Variants in PLIN3 observed in about 807,000 individuals in gnomAD.
PLIN3 encodes the protein perilipin 3.
PLIN3 carries 30 observed loss-of-function variants against 35.9 expected under a neutral mutation model. The ratio of observed to expected loss-of-function variants is 0.84; its 90% CI spans 0.62 to 1.13. The LOEUF (loss-of-function observed/expected upper bound fraction) is 1.13, where lower values mean the gene tolerates loss of function less well. PLIN3 is among the 50% of genes most tolerant of loss of function. The pLI is 0.00. For synonymous variants in PLIN3, 261 were observed against 262.5 expected (o/e 0.99, Z 0.06); for missense variants, 603 against 596.9 (o/e 1.01, Z -0.11).
intron 4 of PLIN3, among the ~76,000 whole-genome samples, chr19:4,852,987 T>A (rs1446100578): frequency 2.0e-5 from 3 of 151,928 alleles, no homozygotes; most frequent in Non-Finnish European, 4.4e-5. Context: ...GCTAATTTTG[T>A]ATTTTTAGTA....
intron 7 of PLIN3, among the ~76,000 whole-genome samples, chr19:4,843,541 T>TAAATAAATAAA (rs2029981506): frequency 1.7e-5 from 1 of 59,300 alleles, no homozygotes; most frequent in African/African-American, 6.9e-5. Context: ...AAATAAATAA[T>TAAATAAATAAA]TGATCTGGGG....
intron 4 of PLIN3, among the ~76,000 whole-genome samples, chr19:4,857,550 CAG>C (rs2030514348): frequency 6.6e-6 from 1 of 151,916 alleles, no homozygotes; most frequent in Non-Finnish European, 1.5e-5. Flanking sequence ...CCCTGGGTGA[CAG>C]AGTGAGAACC....
At position 4,839,197 on chromosome 19, in the gene PLIN3, T is replaced by A. The variant is rs771365173; in HGVS notation, c.1300A>T (p.Lys434Ter). The change falls in exon 8 of 8, where the codon AAG (lysine) becomes TAG (stop). Residue 434 changes from lysine (K) to a stop codon, truncating the protein, a stop_gained. Coordinates refer to ENST00000221957, the MANE Select transcript of PLIN3 (RefSeq NM_005817.5). LOFTEE classifies it high-confidence loss of function. Reference protein sequence around the residue: ...GITEKAPEEKK With the variant: ...GITEKAPEEK ...CTGAGTCCTCTCCTCTCCCCCTACT[T>A]CTTCTCCTCCGGGGCTTTCTCAGTG... The A allele has an allele frequency of 8.7e-6, 14 of 1,600,002 alleles. No individual in the cohort carries two copies. The highest frequency in any genetic ancestry group is 8.0e-5 in the African/African-American group (6 of 74,676).
intron 5 of PLIN3, among the ~76,000 whole-genome samples, chr19:4,849,534 G>A (rs897721616): frequency 1.3e-5 from 2 of 152,074 alleles, no homozygotes; most frequent in African/African-American, 4.8e-5. Flanking sequence ...TGGAACTACT[G>A]GGCTTAACTA....
chr19:4,858,275 A>AG (rs2030539300), intron 4 of PLIN3, among the ~76,000 whole-genome samples: 1 of 150,082 alleles, frequency 6.7e-6, no homozygotes. Context: ...CGTCTCAAAA[A>AG]AAAAAAAAAA....
At chr19:4,843,652 T>G (rs949134419) in intron 7 of PLIN3, among the ~76,000 whole-genome samples, 6 of 151,740 alleles carry the variant, frequency 4.0e-5, no homozygotes, top group African/African-American at 1.5e-4. Flanking sequence ...GGCAACACAG[T>G]GAGATCCTGT....
intron 4 of PLIN3, among the ~76,000 whole-genome samples, chr19:4,853,644 G>C (rs1486265701): frequency 6.6e-6 from 1 of 151,728 alleles, no homozygotes; most frequent in Non-Finnish European, 1.5e-5. Flanking sequence ...ATTTTTTGTA[G>C]AGACAAAAAA....
intron 2 of PLIN3, among the ~76,000 whole-genome samples, chr19:4,860,359 C>T (rs1017673551): frequency 3.3e-5 from 5 of 151,992 alleles, no homozygotes; most frequent in Non-Finnish European, 4.4e-5. Context: ...GGTGCCACCA[C>T]GCCCAGCTAA....
At chr19:4,865,202 G>GA (rs1485436078) in intron 1 of PLIN3, among the ~76,000 whole-genome samples, 1 of 146,866 alleles carries the variant, frequency 6.8e-6, no homozygotes, top group East Asian at 2.0e-4. Flanking sequence ...AAAGAAAAAA[G>GA]AAAAAGCCAG....
intron 2 of PLIN3, 26 bp downstream of exon 2, chr19:4,861,303 A>T: frequency 6.2e-7 from 1 of 1,600,266 alleles, no homozygotes; most frequent in Non-Finnish European, 8.6e-7. Context: ...GGGTCGGGGC[A>T]GTCCCTGGTC....
chr19:4,862,401 G>T (rs990047771), intron 1 of PLIN3, among the ~76,000 whole-genome samples: 1 of 152,024 alleles, frequency 6.6e-6, no homozygotes, highest in African/African-American at 2.4e-5. Context: ...CAAAGTGCTG[G>T]GATTATAGGT....
At position 4,847,750 on chromosome 19, in the gene PLIN3, G is replaced by A. The variant is rs769078249; in HGVS notation, c.775C>T (p.Arg259Ter). 25 of 1,612,516 alleles carry A rather than the reference G, an allele frequency of 1.6e-5. No individual in the cohort carries two copies. The highest frequency in any genetic ancestry group is 6.7e-5 in the African/African-American group (5 of 74,888). Reference protein sequence around the residue: ...HAYEHSLGKLRATKQRAQEAL... With the variant: ...HAYEHSLGKL ...TCCTGTGCCCTCTGCTTGGTGGCTC[G>A]AAGCTTGCCCAGCGAGTGCTCATAG... The change falls in exon 6 of 8, where the codon CGA becomes TGA. Residue 259 changes from arginine (R) to a stop codon, truncating the protein, a stop_gained. Coordinates refer to ENST00000221957, the MANE Select transcript of PLIN3 (RefSeq NM_005817.5). LOFTEE classifies it high-confidence loss of function.
At position 4,852,160 on chromosome 19, in the gene PLIN3, T is replaced by C; in HGVS notation, c.490A>G (p.Lys164Glu). ...CCGCCGGTCACTACGGACTTTGTCT[T>C]GTCCACGCCGCTCTGCACAGCACCG... is the stretch of plus-strand genomic sequence containing the variant. The part of the protein sequence containing the change: ...TRGAVQSGVD[K>E]TKSVVTGGVQ... The change falls in exon 5 of 8, where the codon AAG becomes GAG. Residue 164 changes from lysine (K) to glutamate (E), a missense_variant. Coordinates refer to ENST00000221957, the MANE Select transcript of PLIN3 (RefSeq NM_005817.5). The C allele has an allele frequency of 6.2e-7, 1 of 1,614,006 alleles. No individual in the cohort carries two copies. The highest frequency in any genetic ancestry group is 8.5e-7 in the Non-Finnish European group (1 of 1,180,002).
intron 7 of PLIN3, among the ~76,000 whole-genome samples, chr19:4,844,252 T>G (rs1235581087): frequency 6.6e-6 from 1 of 151,910 alleles, no homozygotes; most frequent in Non-Finnish European, 1.5e-5. Flanking sequence ...TCACTTGAGG[T>G]CAGGAGTTCA....
At chr19:4,858,321 T>A (rs2030541322) in intron 4 of PLIN3, among the ~76,000 whole-genome samples, 1 of 150,154 alleles carries the variant, frequency 6.7e-6, no homozygotes. Context: ...CAAAGTAACT[T>A]GTGTGAGGGC....
chr19:4,853,886 T>A (rs777907098), intron 4 of PLIN3, among the ~76,000 whole-genome samples: 4 of 150,360 alleles, frequency 2.7e-5, no homozygotes, highest in African/African-American at 9.8e-5. Flanking sequence ...ACCCAGCACA[T>A]GGTGAGCGCT....
intron 5 of PLIN3, 115 bp downstream of exon 5, chr19:4,851,901 A>C: frequency 9.2e-7 from 1 of 1,084,400 alleles, no homozygotes; most frequent in Non-Finnish European, 1.3e-6. Flanking sequence ...TGCCCGGGAG[A>C]AGTGGCAGGG....
intron 5 of PLIN3, among the ~76,000 whole-genome samples, chr19:4,851,233 G>A (rs143594886): frequency 2.4e-4 from 36 of 152,218 alleles, no homozygotes; most frequent in Non-Finnish European, 5.0e-4. Flanking sequence ...TGGGGAGGCC[G>A]AGGTGGGCAG....
Position 4,861,422 on chromosome 19 carries a change from AG to A in PLIN3, c.-17-12del. 1 of 1,596,198 alleles carries A rather than the reference AG, an allele frequency of 6.3e-7. No individual in the cohort carries two copies. Among genetic ancestry groups the A allele is most frequent in the Non-Finnish European group, 8.6e-7 (1 of 1,168,434 alleles). Reference sequence around the variant, plus strand: ...TCTCTGCAGCAGACGCTGAGGAGAGAGGAACAGTCAGGTACAGCCTGCCTGG... The same window carrying A: ...TCTCTGCAGCAGACGCTGAGGAGAGAGAACAGTCAGGTACAGCCTGCCTGG... On this transcript the variant is annotated splice_polypyrimidine_tract_variant and intron_variant, in intron 1 of 7. Transcript: ENST00000221957.
Sources: gnomAD v4.1 joint callset for allele counts (sites outside exome capture counted in the v4.1 genomes callset) on GRCh38, gnomAD v4.1.1 for gene constraint, MANE v1.5 for transcripts, NCBI Gene and HGNC (gene_info 2026-07-23, HGNC 2026-07-21) for gene names.